The following CEACAM21 variants were observed in gnomAD, a reference collection of about 807,000 sequenced individuals.
CEACAM21 encodes the protein cell adhesion molecule CEACAM21.
CEACAM21 carries 38 observed loss-of-function variants against 33.2 expected under a neutral mutation model. That is an observed-to-expected ratio of 1.14 (90% CI 0.88 to 1.50). The LOEUF is 1.50. CEACAM21 is among the 40% of genes most tolerant of loss of function. The probability of loss-of-function intolerance (pLI) is 0.00; values close to 1 mark genes in which losing one functional copy is unlikely to be tolerated. For synonymous variants in CEACAM21, 156 were observed against 143.0 expected (o/e 1.09, Z -0.65); for missense variants, 385 against 364.6 (o/e 1.06, Z -0.46).
At chr19:41,555,766 T>G (rs1341123537) in intron 1 of CEACAM21, among the ~76,000 whole-genome samples, 1 of 149,258 alleles carries the variant, frequency 6.7e-6, no homozygotes, top group Non-Finnish European at 1.5e-5. Flanking sequence ...TCATATTCAT[T>G]GGTGGTGTTT....
At chr19:41,565,867 G>C (rs2042226227) in intron 2 of CEACAM21, among the ~76,000 whole-genome samples, 1 of 149,900 alleles carries the variant, frequency 6.7e-6, no homozygotes. Context: ...GCAAGTTGTA[G>C]GGAAAATGGG....
chr19:41,559,940 C>T (rs1446454299), intron 1 of CEACAM21, among the ~76,000 whole-genome samples: 1 of 152,226 alleles, frequency 6.6e-6, no homozygotes. Flanking sequence ...GGCCTGTGAA[C>T]AACGTTGCAT....
At chr19:41,580,533 G>A (rs537722417) in intron 3 of CEACAM21, among the ~76,000 whole-genome samples, 1 of 152,154 alleles carries the variant, frequency 6.6e-6, no homozygotes, top group African/African-American at 2.4e-5. Flanking sequence ...GTTTGGGTTG[G>A]ATTAGTTTGC....
chr19:41,555,614 T>G (rs2041482804), intron 1 of CEACAM21, among the ~76,000 whole-genome samples: 2 of 151,916 alleles, frequency 1.3e-5, no homozygotes, highest in Non-Finnish European at 2.9e-5. Context: ...ACATTGAATC[T>G]GAGGTCTCTA....
chr19:41,567,075 G>T (rs10420470), intron 2 of CEACAM21, among the ~76,000 whole-genome samples: 1 of 151,306 alleles, frequency 6.6e-6, no homozygotes, highest in Non-Finnish European at 1.5e-5. Context: ...ATAATGTTAT[G>T]GTTTAGATAG....
intron 2 of CEACAM21, among the ~76,000 whole-genome samples, chr19:41,566,598 T>C (rs2042281837): frequency 2.0e-5 from 3 of 152,234 alleles, no homozygotes. Context: ...ATTTTGCATG[T>C]ATATTTGTAA....
chr19:41,553,841 A>C (rs1158837008), intron 1 of CEACAM21: 2 of 152,128 alleles, frequency 1.3e-5, no homozygotes, highest in African/African-American at 4.8e-5. Flanking sequence ...TAAAATAACC[A>C]GTTTTTCAAA....
chr19:41,581,035 T>G (rs1056923632), intron 3 of CEACAM21, among the ~76,000 whole-genome samples: 3 of 152,250 alleles, frequency 2.0e-5, no homozygotes, highest in Non-Finnish European at 4.4e-5. Context: ...TGTATTAGTC[T>G]GTTGGGAGCA....
chr19:41,558,707 T>C (rs782520763), intron 1 of CEACAM21, among the ~76,000 whole-genome samples: 5 of 152,116 alleles, frequency 3.3e-5, no homozygotes, highest in South Asian at 2.1e-4. Flanking sequence ...ATGTCTCTAG[T>C]ATAAAAATTA....
intron 6 of CEACAM21, 180 bp from the exon 7 acceptor site, chr19:41,586,284 A>G: frequency 1.9e-6 from 1 of 524,920 alleles, no homozygotes; most frequent in Non-Finnish European, 3.6e-6. Flanking sequence ...GCTGAAGTTC[A>G]GGAAACTGCA....
chr19:41,557,543 A>T (rs1448637335), intron 1 of CEACAM21, among the ~76,000 whole-genome samples: 1 of 152,144 alleles, frequency 6.6e-6, no homozygotes, highest in African/African-American at 2.4e-5. Flanking sequence ...GTCAATCGAC[A>T]GCTTTTAGGA....
chr19:41,572,643 A>T (rs999344072), upstream of CEACAM21, among the ~76,000 whole-genome samples: 8 of 152,280 alleles, frequency 5.3e-5, no homozygotes, highest in Middle Eastern at 3.4e-3. Flanking sequence ...GCTCCTCCAG[A>T]AAAGATACCT....
chr19:41,579,261 TA>T lies in CEACAM21; in HGVS notation c.425-91del, dbSNP rs782651906. 8 of 1,606,446 alleles carry T rather than the reference TA, an allele frequency of 5.0e-6. No homozygotes were observed. In the African/African-American group the frequency reaches 1.1e-4, roughly 21 times the overall value. ...CTCCCTGTCCTTCATCTTTCTCCTT[TA>T]TTCACAGGAGAATGTTCTAAATTTG... On this transcript the variant is annotated intron_variant, in intron 2 of 6. Transcript: ENST00000401445.
At chr19:41,586,054 A>G in intron 6 of CEACAM21, 183 bp downstream of exon 6, 1 of 654,096 alleles carries the variant, frequency 1.5e-6, no homozygotes, top group Non-Finnish European at 2.7e-6. Flanking sequence ...CCCTGTGCTA[A>G]CCCCACCCTG....
intron 2 of CEACAM21, 140 bp downstream of exon 2, chr19:41,577,699 C>T (rs1003473322): frequency 4.1e-5 from 50 of 1,211,174 alleles, no homozygotes; most frequent in Non-Finnish European, 5.7e-5. Context: ...GCAGGACACA[C>T]CCAGGGGAGA....
intron 3 of CEACAM21, among the ~76,000 whole-genome samples, chr19:41,583,718 A>G (rs1406075623): frequency 6.6e-6 from 1 of 152,190 alleles, no homozygotes; most frequent in Non-Finnish European, 1.5e-5. Context: ...CAGGATGGAA[A>G]AAACCCACCC....
At chr19:41,573,805 G>C (rs1392295172), upstream of CEACAM21, among the ~76,000 whole-genome samples, 1 of 152,004 alleles carries the variant, frequency 6.6e-6, no homozygotes, top group African/African-American at 2.4e-5. Context: ...TCCTAAAAAG[G>C]TCTCCAGACT....
chr19:41,586,219 T>C, intron 6 of CEACAM21: 1 of 542,310 alleles, frequency 1.8e-6, no homozygotes, highest in South Asian at 1.9e-5. Flanking sequence ...ACAGATATTC[T>C]GGTCCCTTGG....
chr19:41,576,070 G>A, upstream of CEACAM21: 1 of 609,616 alleles, frequency 1.6e-6, no homozygotes, highest in Non-Finnish European at 2.9e-6. Context: ...GACAAGGGAG[G>A]CAGGACTGAG....
Sources: allele counts gnomAD v4.1 joint callset (sites outside exome capture counted in the v4.1 genomes callset), GRCh38; gene constraint gnomAD v4.1.1; transcripts MANE v1.5; gene names NCBI Gene and HGNC (gene_info 2026-07-23, HGNC 2026-07-21).